HNMT: variants seen among roughly 807,000 people sequenced by gnomAD.
The protein encoded by HNMT is histamine N-methyltransferase.
A neutral mutation model predicts 32.1 loss-of-function variants in HNMT; 30 were observed. The observed-to-expected ratio is 0.93, with a 90% CI of 0.70 to 1.27. HNMT has a LOEUF of 1.27. Among genes scored for constraint, HNMT ranks in the 50% most tolerant of loss-of-function variants. The pLI, the probability that HNMT is intolerant of heterozygous loss-of-function variation, is 0.00. For synonymous variants in HNMT, 125 were observed against 119.0 expected, an observed-to-expected ratio of 1.05 and a Z score of -0.33; for missense variants, 327 against 346.0, an observed-to-expected ratio of 0.95 and a Z score of 0.43.
chr2:137,979,152 A>G (rs1011445432), intron 2 of HNMT, among the ~76,000 whole-genome samples: 1 of 147,642 alleles, frequency 6.8e-6, no homozygotes, highest in African/African-American at 2.5e-5. Context: ...ATGTTATATA[A>G]GACAAACTAT....
rs993898006 is a variant in HNMT, at chr2:138,015,163, G to C, written c.*1033G>C. 6.6e-6 allele frequency: 1 copy of C among 152,006 alleles called. No homozygotes were observed. Among genetic ancestry groups the C allele is most frequent in the Admixed American group, 6.6e-5 (1 of 15,238 alleles). 9.4% of individuals were successfully genotyped at this position (152,006 alleles called of 1,614,324 possible). A position where few individuals can be genotyped will look rare whatever the true frequency, so the allele number is the denominator to read the frequency against. Reference sequence around the variant, plus strand: ...GTCATCTTTGGACTGTAGGATTTCAGGGGGGTTTTGAAAACAAATTTGATG... The same window carrying C: ...GTCATCTTTGGACTGTAGGATTTCACGGGGGTTTTGAAAACAAATTTGATG... On this transcript the variant is annotated 3_prime_UTR_variant, in exon 6 of 6. Transcript: ENST00000280097.
chr2:137,983,278 C>T (rs1002226307), intron 2 of HNMT, among the ~76,000 whole-genome samples: 2 of 152,168 alleles, frequency 1.3e-5, no homozygotes, highest in African/African-American at 2.4e-5. Context: ...CTCCCCTGTC[C>T]TCACTACAGT....
intron 2 of HNMT, chr2:137,981,562 C>T (rs1023972194): frequency 3.5e-6 from 2 of 578,372 alleles, no homozygotes; most frequent in South Asian, 2.4e-5. Context: ...TTCACTGCTA[C>T]GTCTCCAATG....
At position 138,014,333 on chromosome 2, in the gene HNMT, G is replaced by A; in HGVS notation, c.*203G>A. 4.4e-6 allele frequency: 2 copies of A among 449,998 alleles called. No individual in the cohort carries two copies. Among genetic ancestry groups the A allele is most frequent in the Non-Finnish European group, 7.9e-6 (2 of 254,156 alleles). 27.9% of individuals were successfully genotyped at this position (449,998 alleles called of 1,614,324 possible). A position where few individuals can be genotyped will look rare whatever the true frequency, so the allele number is the denominator to read the frequency against. On this transcript the variant is annotated 3_prime_UTR_variant, in exon 6 of 6. Coordinates refer to ENST00000280097, the MANE Select transcript of HNMT (RefSeq NM_006895.3). ...CTGGTCTTATCCTGTCCCTCCTCCA[G>A]GTAGAGAGACCACAAGCAGGCTCAA...
chr2:137,981,022 A>C (rs761679487), intron 2 of HNMT, among the ~76,000 whole-genome samples: 1 of 152,056 alleles, frequency 6.6e-6, no homozygotes, highest in Non-Finnish European at 1.5e-5. Flanking sequence ...CTTCCTAGAA[A>C]CCATTTTTTT....
At chr2:137,971,322 G>A (rs564263699) in intron 2 of HNMT, among the ~76,000 whole-genome samples, 10 of 152,122 alleles carry the variant, frequency 6.6e-5, no homozygotes, top group African/African-American at 2.2e-4. Context: ...TGGGATTACA[G>A]GCACCAACCA....
At chr2:137,973,274 G>C (rs2104930220) in intron 2 of HNMT, among the ~76,000 whole-genome samples, 1 of 152,272 alleles carries the variant, frequency 6.6e-6, no homozygotes, top group East Asian at 1.9e-4. Context: ...TAGTTTGAGT[G>C]CTCATGTAGC....
intron 2 of HNMT, among the ~76,000 whole-genome samples, chr2:137,985,214 A>AG (rs1401572266): frequency 4.6e-5 from 7 of 152,132 alleles, no homozygotes; most frequent in Non-Finnish European, 8.8e-5. Flanking sequence ...AAAAAAAAAA[A>AG]AAAGATTAAG....
At chr2:137,997,302 A>C (rs1681026449) in intron 2 of HNMT, among the ~76,000 whole-genome samples, 1 of 152,158 alleles carries the variant, frequency 6.6e-6, no homozygotes, top group East Asian at 1.9e-4. Context: ...TCCAGAATTT[A>C]CAAGGAACTT....
chr2:138,004,372 C>A (rs1047930796), intron 4 of HNMT, among the ~76,000 whole-genome samples: 5 of 151,924 alleles, frequency 3.3e-5, no homozygotes, highest in African/African-American at 1.2e-4. Flanking sequence ...TAAGGACAGG[C>A]TATATGGAAT....
chr2:138,005,117 T>C lies in HNMT; in HGVS notation c.430-15T>C. 2 of 1,420,938 alleles carry C rather than the reference T, an allele frequency of 1.4e-6. No individual in the cohort carries two copies. The highest frequency in any genetic ancestry group is 1.2e-5 in the South Asian group (1 of 86,006). The allele number at this position is 1,420,938 out of a possible 1,614,324, so 88.0% of individuals were successfully genotyped here. ...CATACAGAAGCAGCTCATTTCTCTT[T>C]TTCCTCCTTTCTAGATGCTGTATTA... is the stretch of plus-strand genomic sequence containing the variant. On this transcript the variant is annotated splice_polypyrimidine_tract_variant and intron_variant, in intron 4 of 5. Coordinates refer to ENST00000280097, the MANE Select transcript of HNMT (RefSeq NM_006895.3).
At chr2:137,994,250 A>C (rs1361325272) in intron 2 of HNMT, among the ~76,000 whole-genome samples, 1 of 152,216 alleles carries the variant, frequency 6.6e-6, no homozygotes, top group African/African-American at 2.4e-5. Flanking sequence ...GTCAAGACCC[A>C]TCACCCATCA....
intron 5 of HNMT, among the ~76,000 whole-genome samples, chr2:138,006,191 C>G (rs2604469): frequency 0.019 from 2,905 of 152,036 alleles, 95 homozygotes; most frequent in African/African-American, 0.066. Context: ...GGAGAGGTCT[C>G]ATTTCCCATT....
chr2:137,991,843 C>G (rs1680826246), intron 2 of HNMT: 1 of 152,270 alleles, frequency 6.6e-6, no homozygotes, highest in East Asian at 1.9e-4. Flanking sequence ...CGACTAGAAA[C>G]AGCAGCGTTT....
rs1271824147 is a variant in HNMT, at chr2:138,014,162, T to C, written c.*32T>C. The C allele has an allele frequency of 3.1e-6, 4 of 1,282,696 alleles. No homozygotes were observed. The highest frequency in any genetic ancestry group is 2.8e-5 in the South Asian group (2 of 70,446). 79.5% of individuals were successfully genotyped at this position (1,282,696 alleles called of 1,614,324 possible). On this transcript the variant is annotated 3_prime_UTR_variant, in exon 6 of 6. Coordinates refer to ENST00000280097, the MANE Select transcript of HNMT (RefSeq NM_006895.3). ...ATCACAAAAGTATATTCAAAAATTA[T>C]ATTTTGAACAACTCGAATCACTCAT... is the stretch of plus-strand genomic sequence containing the variant.
chr2:137,976,214 C>T (rs962827824), intron 2 of HNMT, among the ~76,000 whole-genome samples: 21 of 148,326 alleles, frequency 1.4e-4, no homozygotes, highest in African/African-American at 4.5e-4. Flanking sequence ...TGCAGTGAGC[C>T]GAGATCGGGC....
intron 5 of HNMT, among the ~76,000 whole-genome samples, chr2:138,008,348 CA>C (rs1681390940): frequency 1.3e-5 from 2 of 152,066 alleles, no homozygotes; most frequent in Admixed American, 1.3e-4. Context: ...CATAGTATTC[CA>C]TAGTGTATAT....
At chr2:138,002,367 A>T in intron 4 of HNMT, 173 bp downstream of exon 4, 1 of 1,036,906 alleles carries the variant, frequency 9.6e-7, no homozygotes, top group Non-Finnish European at 1.2e-6. Context: ...TTATACTAAG[A>T]TTCTCTTTAA....
At chr2:137,969,560 C>T (rs1223504815) in intron 1 of HNMT, among the ~76,000 whole-genome samples, 2 of 152,110 alleles carry the variant, frequency 1.3e-5, no homozygotes, top group African/African-American at 4.8e-5. Context: ...TTTTTCTGAC[C>T]TCTTCACATC....
Sources: allele counts gnomAD v4.1 joint callset (sites outside exome capture counted in the v4.1 genomes callset), GRCh38; gene constraint gnomAD v4.1.1; transcripts MANE v1.5; gene names NCBI Gene and HGNC (gene_info 2026-07-23, HGNC 2026-07-21).